Variants in NAV3 observed in about 807,000 individuals in gnomAD.
The protein encoded by NAV3 is pore membrane and/or filament interacting like protein 1.
NAV3 carries 87 observed loss-of-function variants against 244.7 expected under a neutral mutation model. The observed-to-expected ratio is 0.36, with a 90% CI of 0.30 to 0.42. NAV3 has a LOEUF of 0.42. Ranked by LOEUF, NAV3 falls within the 20% of genes least tolerant of loss-of-function variation. The probability of loss-of-function intolerance (pLI) is 1.00; values close to 1 mark genes in which losing one functional copy is unlikely to be tolerated. For synonymous variants in NAV3, 1,126 were observed against 1,042.2 expected (o/e 1.08, Z -1.55); for missense variants, 2,663 against 2,893.3 (o/e 0.92, Z 1.83).
rs373378494 is a variant in NAV3 at position 78,094,490 on chromosome 12, A to G, written c.2637-22282A>G. Among the ~76,000 whole-genome samples the G allele has an allele frequency of 8.5e-5, 13 of 152,354 alleles. No individual in the cohort carries two copies. The South Asian group carries it at 2.7e-3, about 32-fold the overall frequency. On this transcript the variant is annotated intron_variant, in intron 12 of 39. Coordinates refer to ENST00000397909, the MANE Select transcript of NAV3 (RefSeq NM_001024383.2). ...ACTTTGTAAAATGCAAGAAATTACT[A>G]AGATGATTGCAAATTGTGTAAACTT...
chr12:78,098,991 G>A (rs931345654), intron 12 of NAV3, among the ~76,000 whole-genome samples: 21 of 149,594 alleles, frequency 1.4e-4, no homozygotes, highest in African/African-American at 4.9e-4. Flanking sequence ...ACTGTCATAT[G>A]GGTGGCAGGA....
intron 38 of NAV3, among the ~76,000 whole-genome samples, chr12:78,203,230 C>T (rs777612308): frequency 3.5e-4 from 53 of 152,204 alleles, no homozygotes; most frequent in Non-Finnish European, 6.6e-4. Flanking sequence ...TAGCTTTTCA[C>T]TGGTCTCTTC....
intron 1 of NAV3, among the ~76,000 whole-genome samples, chr12:77,845,946 C>A (rs1876565027): frequency 6.6e-6 from 1 of 152,108 alleles, no homozygotes; most frequent in Non-Finnish European, 1.5e-5. Context: ...AGCCACTGGG[C>A]CTGGCTGATT....
At chr12:77,806,569 G>T (rs551831287) in intron 2 of NAV3, among the ~76,000 whole-genome samples, 11 of 152,312 alleles carry the variant, frequency 7.2e-5, no homozygotes, top group Non-Finnish European at 1.5e-4. Flanking sequence ...ATTTGCTGAA[G>T]AGTGTTTTAC....
At chr12:77,920,267 C>A (rs905012733) in intron 1 of NAV3, among the ~76,000 whole-genome samples, 17 of 151,788 alleles carry the variant, frequency 1.1e-4, no homozygotes, top group Non-Finnish European at 2.5e-4. Context: ...GCTCTAAATC[C>A]CATAATTAAT....
chr12:77,734,756 C>T (rs1565791513), intron 2 of NAV3, among the ~76,000 whole-genome samples: 1 of 152,124 alleles, frequency 6.6e-6, no homozygotes, highest in Non-Finnish European at 1.5e-5. Context: ...CCATTGCTTC[C>T]AGCAAATTAC....
intron 2 of NAV3, among the ~76,000 whole-genome samples, chr12:77,780,578 G>C (rs745486411): frequency 1.3e-5 from 2 of 152,182 alleles, no homozygotes; most frequent in Non-Finnish European, 2.9e-5. Context: ...AAGCAAGTTT[G>C]TGCGAAGATT....
At chr12:78,039,320 C>A (rs1450447526) in intron 9 of NAV3, among the ~76,000 whole-genome samples, 1 of 152,006 alleles carries the variant, frequency 6.6e-6, no homozygotes, top group African/African-American at 2.4e-5. Flanking sequence ...AGGTGGGGTT[C>A]CTTGAGGTTA....
At chr12:77,824,633 C>T (rs1872892271) in intron 2 of NAV3, among the ~76,000 whole-genome samples, 1 of 151,996 alleles carries the variant, frequency 6.6e-6, no homozygotes, top group South Asian at 2.1e-4. Context: ...TGGCTAACAC[C>T]TGTAATCCCA....
At chr12:77,757,778 A>G (rs541746632) in intron 2 of NAV3, among the ~76,000 whole-genome samples, 38 of 152,190 alleles carry the variant, frequency 2.5e-4, no homozygotes, top group Admixed American at 1.2e-3. Flanking sequence ...AGTTTCCTCA[A>G]AGGAATGTGG....
At chr12:78,127,804 C>T (rs1299694947) in intron 17 of NAV3, among the ~76,000 whole-genome samples, 3 of 151,970 alleles carry the variant, frequency 2.0e-5, no homozygotes, top group African/African-American at 7.3e-5. Context: ...TTCTATTTTG[C>T]AGGGGTACTG....
chr12:78,075,936 A>T (rs1347641557), intron 12 of NAV3, among the ~76,000 whole-genome samples: 1 of 152,216 alleles, frequency 6.6e-6, no homozygotes, highest in East Asian at 1.9e-4. Context: ...CCCAAGAGTC[A>T]AGTGGATTGA....
At chr12:78,071,617 G>A (rs1286561214) in intron 12 of NAV3, among the ~76,000 whole-genome samples, 1 of 152,062 alleles carries the variant, frequency 6.6e-6, no homozygotes, top group Non-Finnish European at 1.5e-5. Context: ...TTTCAGACAT[G>A]ACGTCTTTAA....
chr12:78,001,494 TA>T (rs993298282), intron 7 of NAV3, among the ~76,000 whole-genome samples: 12 of 152,196 alleles, frequency 7.9e-5, no homozygotes, highest in African/African-American at 2.4e-4. Context: ...ACTTCTATAT[TA>T]AAAAAACAAA....
intron 22 of NAV3, 92 bp from the exon 23 acceptor site, chr12:78,159,111 C>A: frequency 1.0e-6 from 1 of 997,908 alleles, no homozygotes; most frequent in Non-Finnish European, 1.5e-6. Flanking sequence ...AGTTGGAACA[C>A]ATGAAATTAA....
At chr12:77,694,641 T>C (rs1875208888) in intron 2 of NAV3, among the ~76,000 whole-genome samples, 1 of 152,188 alleles carries the variant, frequency 6.6e-6, no homozygotes, top group South Asian at 2.1e-4. Flanking sequence ...CTCCAGTCTT[T>C]GTGGCCCTTC....
chr12:78,015,681 A>T (rs909019103), intron 8 of NAV3, among the ~76,000 whole-genome samples: 1 of 152,058 alleles, frequency 6.6e-6, no homozygotes, highest in Non-Finnish European at 1.5e-5. Flanking sequence ...TGTAATAGGT[A>T]TTTTTGTGGG....
At chr12:78,145,101 G>T (rs201808582) in intron 20 of NAV3, 1 of 300,522 alleles carries the variant, frequency 3.3e-6, no homozygotes, top group East Asian at 1.2e-4. Flanking sequence ...AAACCAAACT[G>T]TGTATAAAAC....
At chr12:77,858,079 T>G (rs1373163900) in intron 1 of NAV3, among the ~76,000 whole-genome samples, 2 of 152,012 alleles carry the variant, frequency 1.3e-5, no homozygotes, top group Non-Finnish European at 2.9e-5. Context: ...TTTTAAGGGG[T>G]CACTTCTATA....
Sources: gnomAD v4.1 joint callset for allele counts (sites outside exome capture counted in the v4.1 genomes callset) on GRCh38, gnomAD v4.1.1 for gene constraint, MANE v1.5 for transcripts, NCBI Gene and HGNC (gene_info 2026-07-23, HGNC 2026-07-21) for gene names.